The following XPO4 variants were observed in gnomAD, a reference collection of about 807,000 sequenced individuals.
XPO4 encodes the protein exportin 4.
A neutral mutation model predicts 143.0 loss-of-function variants in XPO4; 39 were observed. The ratio of observed to expected loss-of-function variants is 0.27; its 90% CI spans 0.21 to 0.36. XPO4 has a LOEUF of 0.36. Ranked by LOEUF, XPO4 falls within the 10% of genes least tolerant of loss-of-function variation. The pLI is 1.00. For missense variants in XPO4, 907 were observed against 1,348.0 expected (o/e 0.67, Z 5.12); for synonymous variants, 439 against 474.0 (o/e 0.93, Z 0.96).
intron 9 of XPO4, among the ~76,000 whole-genome samples, chr13:20,819,024 T>C (rs2059685964): frequency 2.0e-5 from 3 of 152,236 alleles, no homozygotes; most frequent in East Asian, 1.9e-4. Context: ...GGTTTTGCCA[T>C]GTTTGGCAGG....
intron 22 of XPO4, among the ~76,000 whole-genome samples, chr13:20,786,307 G>GTATA (rs35172496): frequency 0.013 from 1,952 of 146,984 alleles, 21 homozygotes; most frequent in East Asian, 0.054. Flanking sequence ...ACGTGTGTGT[G>GTATA]TATATATATA....
At chr13:20,830,180 A>C (rs1476752785) in intron 6 of XPO4, among the ~76,000 whole-genome samples, 1 of 152,104 alleles carries the variant, frequency 6.6e-6, no homozygotes, top group Non-Finnish European at 1.5e-5. Context: ...ATTTCCTTCA[A>C]GTGTTGGTAA....
chr13:20,782,566 A>T lies in XPO4; in HGVS notation c.*1156T>A, dbSNP rs546447591. 2 of 152,770 alleles carry T rather than the reference A, an allele frequency of 1.3e-5. No homozygotes were observed. The highest frequency in any genetic ancestry group is 4.8e-5 in the African/African-American group (2 of 41,582). The allele number at this position is 152,770 out of a possible 1,614,324, so 9.5% of individuals were successfully genotyped here. A position where few individuals can be genotyped will look rare whatever the true frequency, so the allele number is the denominator to read the frequency against. On this transcript the variant is annotated 3_prime_UTR_variant, in exon 23 of 23. Transcript: ENST00000255305. ...CAACGTGCAATAGTCTGTGTGAATC[A>T]GTGATTCACATCCTTTAAAATAATT...
At chr13:20,842,029 T>G (rs1030824691) in intron 6 of XPO4, among the ~76,000 whole-genome samples, 1 of 152,168 alleles carries the variant, frequency 6.6e-6, no homozygotes, top group Admixed American at 6.6e-5. Context: ...TCACGGAGGC[T>G]ATTAAGAGCT....
chr13:20,796,421 TA>T (rs1301125407), intron 17 of XPO4, among the ~76,000 whole-genome samples, 165 bp from the exon 18 acceptor site: 1 of 152,174 alleles, frequency 6.6e-6, no homozygotes, highest in East Asian at 1.9e-4. Context: ...ATTAAGAGTA[TA>T]TTTTTTTTAA....
chr13:20,794,740 A>G (rs575753315), intron 18 of XPO4, among the ~76,000 whole-genome samples: 1 of 152,248 alleles, frequency 6.6e-6, no homozygotes, highest in Admixed American at 6.5e-5. Flanking sequence ...CTCAAACAAC[A>G]ACAAGGAAAG....
At chr13:20,841,894 G>A (rs1349361207) in intron 6 of XPO4, among the ~76,000 whole-genome samples, 4 of 150,678 alleles carry the variant, frequency 2.7e-5, no homozygotes, top group Non-Finnish European at 2.9e-5. Context: ...TTTTTCTCCT[G>A]AACAGACTCT....
In XPO4 at chr13:20,869,548, TTAAA is replaced by T. The variant is rs1179446350; in HGVS notation, c.70-851_70-848del. 4.4e-6 allele frequency: 4 copies of T among 899,502 alleles called. No individual in the cohort carries two copies. The African/African-American group carries it at 5.4e-5, about 12-fold the overall frequency. The allele number at this position is 899,502 out of a possible 1,614,324, so 55.7% of individuals were successfully genotyped here. A position where few individuals can be genotyped will look rare whatever the true frequency, so the allele number is the denominator to read the frequency against. On this transcript the variant is annotated intron_variant, in intron 1 of 22. Coordinates refer to ENST00000255305, the MANE Select transcript of XPO4 (RefSeq NM_022459.5). ...AGGGCAACTCATAATTTCAATTATA[TTAAA>T]TAATCTAGATGATGAAAAATGTTAC...
At chr13:20,837,978 C>G (rs1195955970) in intron 6 of XPO4, among the ~76,000 whole-genome samples, 1 of 151,988 alleles carries the variant, frequency 6.6e-6, no homozygotes, top group African/African-American at 2.4e-5. Flanking sequence ...GAGGTTTTGC[C>G]ATGTTGCCCA....
chr13:20,835,166 G>A (rs554459903), intron 6 of XPO4, among the ~76,000 whole-genome samples: 17 of 152,198 alleles, frequency 1.1e-4, no homozygotes, highest in Middle Eastern at 3.4e-3. Context: ...ACCATGTGCT[G>A]CCTCTACTTT....
intron 22 of XPO4, among the ~76,000 whole-genome samples, chr13:20,786,439 C>T (rs1452098031): frequency 6.6e-6 from 1 of 151,874 alleles, no homozygotes; most frequent in Admixed American, 6.6e-5. Flanking sequence ...GGCACCTATT[C>T]GATCAGAAGT....
intron 6 of XPO4, among the ~76,000 whole-genome samples, chr13:20,829,030 A>G (rs2059821140): frequency 6.6e-6 from 1 of 152,254 alleles, no homozygotes; most frequent in African/African-American, 2.4e-5. Context: ...AATTTTCCAC[A>G]ATAACGGGAT....
rs2059356071 is a variant in XPO4 at position 20,796,223 on chromosome 13, T to C, written c.2650A>G (p.Thr884Ala). 4.4e-6 allele frequency: 7 copies of C among 1,608,976 alleles called. No individual in the cohort carries two copies. In the East Asian group the frequency reaches 1.6e-4, roughly 36 times the overall value. The change falls in exon 18 of 23, where the codon ACT becomes GCT. Residue 884 changes from threonine (T) to alanine (A), a missense_variant. Transcript: ENST00000255305. ...TTCTTAGAATACACTTGCAACAAAG[T>C]AAGGCAGGCTTCATATAAGTTCATA... ...KAMNLYEACL[T>A]LLQVYSKNNL...
At chr13:20,891,121 TTAA>T (rs200203744) in intron 1 of XPO4, among the ~76,000 whole-genome samples, 2,934 of 85,866 alleles carry the variant, frequency 0.034, 144 homozygotes, top group African/African-American at 0.13. Flanking sequence ...CCATCTCAAT[TTAA>T]AAAAAAAAAA....
chr13:20,888,325 A>G (rs2060479902), intron 1 of XPO4, among the ~76,000 whole-genome samples: 1 of 152,040 alleles, frequency 6.6e-6, no homozygotes, highest in Non-Finnish European at 1.5e-5. Flanking sequence ...TGATCTTTTG[A>G]GAAGATATAA....
chr13:20,882,392 T>C (rs866471661), intron 1 of XPO4, among the ~76,000 whole-genome samples: 2 of 152,096 alleles, frequency 1.3e-5, no homozygotes, highest in African/African-American at 4.8e-5. Flanking sequence ...GCATATCATA[T>C]GGCAAGAAAG....
At chr13:20,836,637 C>G (rs1047642796) in intron 6 of XPO4, among the ~76,000 whole-genome samples, 2 of 152,178 alleles carry the variant, frequency 1.3e-5, no homozygotes, top group African/African-American at 4.8e-5. Context: ...GGTTTCTACA[C>G]CGTGACATGA....
intron 2 of XPO4, chr13:20,865,667 A>T: frequency 1.1e-6 from 1 of 879,072 alleles, no homozygotes; most frequent in Non-Finnish European, 1.4e-6. Flanking sequence ...AAAGCACTAC[A>T]TTCTGACCAA....
chr13:20,781,179 A>C lies in XPO4; in HGVS notation c.*2543T>G, dbSNP rs965214813. On this transcript the variant is annotated 3_prime_UTR_variant, in exon 23 of 23. Transcript: ENST00000255305. ...CAACAGTTTTAATAGAAAAAAAATC[A>C]ACTGACTTGAATTAAGCCAGTGTTC... 3 of 152,230 alleles carry C rather than the reference A, an allele frequency of 2.0e-5. No homozygotes were observed. The highest frequency in any genetic ancestry group is 7.2e-5 in the African/African-American group (3 of 41,454). 9.4% of individuals were successfully genotyped at this position (152,230 alleles called of 1,614,324 possible).
Sources: gnomAD v4.1 joint callset for allele counts (sites outside exome capture counted in the v4.1 genomes callset) on GRCh38, gnomAD v4.1.1 for gene constraint, MANE v1.5 for transcripts, NCBI Gene and HGNC (gene_info 2026-07-23, HGNC 2026-07-21) for gene names.